CLEC16A: variants seen among roughly 807,000 people sequenced by gnomAD.
CLEC16A encodes the protein C-type lectin domain containing 16A.
Under a neutral mutation model 109.5 loss-of-function variants are expected in CLEC16A, and 51 were observed. That is an observed-to-expected ratio of 0.47 (90% CI 0.37 to 0.59). The LOEUF (loss-of-function observed/expected upper bound fraction) is 0.59. CLEC16A is among the 20% of genes least tolerant of loss of function. CLEC16A has a pLI of 0.00. For synonymous variants in CLEC16A, 673 were observed against 564.2 expected (o/e 1.19, Z -2.73); for missense variants, 1,339 against 1,394.0 (o/e 0.96, Z 0.63).
intron 19 of CLEC16A, among the ~76,000 whole-genome samples, chr16:11,117,222 C>CA (rs1181697981): frequency 1.1e-4 from 17 of 150,418 alleles, no homozygotes; most frequent in East Asian, 1.9e-4. Flanking sequence ...GTACTATGCT[C>CA]AAAAAAAGAA....
intron 19 of CLEC16A, among the ~76,000 whole-genome samples, chr16:11,070,105 C>G (rs1248890046): frequency 1.3e-5 from 2 of 151,142 alleles, no homozygotes; most frequent in Admixed American, 6.6e-5. Context: ...GAGTCTCACC[C>G]TATTGCCCAG....
rs1287466075 is a variant in CLEC16A at position 11,181,246 on chromosome 16, G to A, written c.*2556G>A. The A allele has an allele frequency of 1.3e-5, 2 of 152,318 alleles. No individual in the cohort carries two copies. The highest frequency in any genetic ancestry group is 4.8e-5 in the African/African-American group (2 of 41,458). 9.4% of individuals were successfully genotyped at this position (152,318 alleles called of 1,614,324 possible). Reference sequence around the variant, plus strand: ...GCTCCCGTCAAACCTCATAGCTGGGGCGCTCCCAGACAGGCCAGTCCAGAC... The same window carrying A: ...GCTCCCGTCAAACCTCATAGCTGGGACGCTCCCAGACAGGCCAGTCCAGAC... On this transcript the variant is annotated 3_prime_UTR_variant, in exon 24 of 24. Coordinates refer to ENST00000409790, the MANE Select transcript of CLEC16A (RefSeq NM_015226.3).
intron 18 of CLEC16A, among the ~76,000 whole-genome samples, chr16:11,052,194 G>A (rs935300771): frequency 6.6e-6 from 1 of 152,148 alleles, no homozygotes; most frequent in African/African-American, 2.4e-5. Flanking sequence ...AGGTACTCTA[G>A]GAAGCAGTGT....
chr16:11,122,896 C>CTTTTTTTTTTTTTTTTT (rs1002354410), intron 20 of CLEC16A, among the ~76,000 whole-genome samples: 3 of 73,772 alleles, frequency 4.1e-5, no homozygotes, highest in Non-Finnish European at 4.7e-5. Context: ...CTATCCCTTT[C>CTTTTTTTTTTTTTTTTT]TTTTTTTTTT....
intron 23 of CLEC16A, among the ~76,000 whole-genome samples, chr16:11,176,036 A>G (rs1426600647): frequency 6.6e-6 from 1 of 152,278 alleles, no homozygotes; most frequent in African/African-American, 2.4e-5. Context: ...AGCAAAATTT[A>G]TGTGTGGATC....
At chr16:11,176,399 ATCTCTC>A (rs147056708) in intron 23 of CLEC16A, among the ~76,000 whole-genome samples, 1 of 150,348 alleles carries the variant, frequency 6.7e-6, no homozygotes, top group Non-Finnish European at 1.5e-5. Flanking sequence ...TTTCCTCTAG[ATCTCTC>A]TCTCTCTCTC....
At chr16:11,078,958 A>G (rs1303710251) in intron 19 of CLEC16A, among the ~76,000 whole-genome samples, 1 of 152,156 alleles carries the variant, frequency 6.6e-6, no homozygotes, top group Non-Finnish European at 1.5e-5. Context: ...GTGTGCCTCT[A>G]CCTGACTTGA....
chr16:11,122,559 C>T (rs888778630), intron 20 of CLEC16A, among the ~76,000 whole-genome samples: 2 of 152,140 alleles, frequency 1.3e-5, no homozygotes, highest in Non-Finnish European at 2.9e-5. Context: ...ATGCAGAATG[C>T]CTCATCTGAT....
chr16:11,072,475 G>T (rs1275577808), intron 19 of CLEC16A, among the ~76,000 whole-genome samples: 1 of 151,830 alleles, frequency 6.6e-6, no homozygotes, highest in African/African-American at 2.4e-5. Flanking sequence ...AAAAAGGAAG[G>T]GACGAGAGAG....
chr16:11,100,761 T>C lies in CLEC16A; in HGVS notation c.2117-19854T>C, dbSNP rs991697395. On this transcript the variant is annotated intron_variant, in intron 19 of 23. Coordinates refer to ENST00000409790, the MANE Select transcript of CLEC16A (RefSeq NM_015226.3). ...CAGATGCTTATTAAATATTACACTG[T>C]AACTGTTAGTATCTGAAATTAGCAT... Among the ~76,000 whole-genome samples, 2 of 152,360 alleles carry C rather than the reference T, an allele frequency of 1.3e-5. 1 individual carries two copies. The highest frequency in any genetic ancestry group is 3.9e-4 in the East Asian group (2 of 5,186).
chr16:11,012,835 A>G (rs1407192515), intron 11 of CLEC16A, among the ~76,000 whole-genome samples: 1 of 152,144 alleles, frequency 6.6e-6, no homozygotes, highest in Non-Finnish European at 1.5e-5. Context: ...ATTTATTGTC[A>G]TGCATTTGTA....
chr16:11,011,279 G>A (rs2045396677), intron 11 of CLEC16A, among the ~76,000 whole-genome samples: 1 of 152,192 alleles, frequency 6.6e-6, no homozygotes, highest in East Asian at 1.9e-4. Flanking sequence ...TTCTCTCTGT[G>A]TTTAAAAGTC....
chr16:10,958,085 G>C (rs973216626), intron 2 of CLEC16A, among the ~76,000 whole-genome samples, 175 bp downstream of exon 2: 26 of 149,848 alleles, frequency 1.7e-4, no homozygotes, highest in African/African-American at 5.9e-4. Context: ...AAGCACTATA[G>C]AAATGCAAGC....
Position 11,120,625 on chromosome 16 carries a change from C to T in CLEC16A, c.2127C>T (p.Asp709=). The change falls in exon 20 of 24, where the codon GAC becomes GAT. Residue 709 remains aspartate, a synonymous_variant. Coordinates refer to ENST00000409790, the MANE Select transcript of CLEC16A (RefSeq NM_015226.3). ...CCTTCCTCCTCCCAGATAACAGCGA[C>T]TTGATTGCATGTACAGTGATCACCA... ...TDDVLDLNNS[D]LIACTVITKD... is the part of the protein sequence containing the mutation. The T allele has an allele frequency of 6.2e-7, 1 of 1,610,096 alleles. No individual in the cohort carries two copies. Among genetic ancestry groups the T allele is most frequent in the Non-Finnish European group, 8.5e-7 (1 of 1,177,716 alleles).
intron 19 of CLEC16A, among the ~76,000 whole-genome samples, chr16:11,111,299 C>T (rs2051569174): frequency 6.6e-6 from 1 of 152,194 alleles, no homozygotes; most frequent in Admixed American, 6.6e-5. Flanking sequence ...CTCCACATGG[C>T]ATCAGCTGGC....
intron 19 of CLEC16A, among the ~76,000 whole-genome samples, chr16:11,104,658 A>G (rs2051113282): frequency 6.6e-6 from 1 of 152,210 alleles, no homozygotes; most frequent in Non-Finnish European, 1.5e-5. Context: ...ACGAAGGTGG[A>G]GAAAAATCAC....
intron 19 of CLEC16A, among the ~76,000 whole-genome samples, chr16:11,114,993 A>G (rs1218418500): frequency 6.6e-6 from 1 of 152,210 alleles, no homozygotes; most frequent in South Asian, 2.1e-4. Flanking sequence ...TGTCTCAATT[A>G]CATTTCTGAA....
chr16:11,086,653 C>T (rs1884535008), intron 19 of CLEC16A, among the ~76,000 whole-genome samples: 1 of 152,186 alleles, frequency 6.6e-6, no homozygotes, highest in Non-Finnish European at 1.5e-5. Context: ...AGCGATTCTC[C>T]TGCCTCAGCC....
intron 19 of CLEC16A, among the ~76,000 whole-genome samples, chr16:11,091,179 C>T (rs2050284676): frequency 1.3e-5 from 2 of 152,356 alleles, no homozygotes; most frequent in Middle Eastern, 3.4e-3. Flanking sequence ...GTGTTTATAT[C>T]TCCCCCAACT....
Sources: gnomAD v4.1 joint callset for allele counts (sites outside exome capture counted in the v4.1 genomes callset) on GRCh38, gnomAD v4.1.1 for gene constraint, MANE v1.5 for transcripts, NCBI Gene and HGNC (gene_info 2026-07-23, HGNC 2026-07-21) for gene names.